The following SCN8A variants were observed in gnomAD, a reference collection of about 807,000 sequenced individuals.
SCN8A encodes sodium voltage-gated channel alpha subunit 8.
Under a neutral mutation model 184.1 loss-of-function variants are expected in SCN8A, and 30 were observed. The observed-to-expected ratio is 0.16, with a 90% CI of 0.12 to 0.22. SCN8A has a LOEUF of 0.22. Among genes scored for constraint, SCN8A ranks in the 10% least tolerant of loss-of-function variants. SCN8A has a pLI of 1.00. For missense variants in SCN8A, 1,057 were observed against 2,498.9 expected (o/e 0.42, Z 12.30); for synonymous variants, 852 against 907.0 (o/e 0.94, Z 1.09).
chr12:51,671,398 C>A (rs1161133752), intron 2 of SCN8A, among the ~76,000 whole-genome samples: 1 of 152,106 alleles, frequency 6.6e-6, no homozygotes, highest in Non-Finnish European at 1.5e-5. Flanking sequence ...TAGTTCTGAG[C>A]CACATAGGGT....
intron 12 of SCN8A, among the ~76,000 whole-genome samples, chr12:51,738,344 G>A (rs1942361600): frequency 1.3e-5 from 2 of 152,090 alleles, no homozygotes; most frequent in African/African-American, 4.8e-5. Flanking sequence ...CCCTCACAAT[G>A]CAAAATATAA....
chr12:51,804,007 C>G (rs886561779), intron 26 of SCN8A, among the ~76,000 whole-genome samples: 7 of 152,166 alleles, frequency 4.6e-5, no homozygotes, highest in African/African-American at 1.7e-4. Context: ...AAATTAAATC[C>G]CTCATGTCAG....
chr12:51,599,246 A>G (rs1044344225), intron 1 of SCN8A, among the ~76,000 whole-genome samples: 2 of 152,242 alleles, frequency 1.3e-5, no homozygotes, highest in Admixed American at 6.5e-5. Context: ...AGTCATAAAC[A>G]CAAAATGTTA....
chr12:51,774,838 G>A (rs945323927), intron 20 of SCN8A, among the ~76,000 whole-genome samples: 9 of 152,208 alleles, frequency 5.9e-5, no homozygotes, highest in South Asian at 2.1e-4. Flanking sequence ...TCTTGATACC[G>A]GACTCATCCA....
At chr12:51,685,537 C>T (rs1370955281) in intron 3 of SCN8A, among the ~76,000 whole-genome samples, 2 of 152,122 alleles carry the variant, frequency 1.3e-5, no homozygotes, top group African/African-American at 4.8e-5. Flanking sequence ...AATGAAATGG[C>T]AGTATGGTTT....
chr12:51,694,546 C>T (rs1408059900), intron 6 of SCN8A, among the ~76,000 whole-genome samples: 1 of 152,170 alleles, frequency 6.6e-6, no homozygotes, highest in African/African-American at 2.4e-5. Context: ...CGTACCAAAG[C>T]GAGCTAATGT....
intron 14 of SCN8A, among the ~76,000 whole-genome samples, chr12:51,762,299 TG>T (rs888828096): frequency 3.9e-5 from 6 of 152,298 alleles, no homozygotes; most frequent in African/African-American, 1.4e-4. Context: ...ACTTTGGGGC[TG>T]GGGACTTCAT....
intron 1 of SCN8A, among the ~76,000 whole-genome samples, chr12:51,632,050 T>C (rs1473440101): frequency 3.3e-5 from 5 of 152,170 alleles, no homozygotes; most frequent in Non-Finnish European, 5.9e-5. Context: ...TTTTTAAAAA[T>C]GCTTTTCCCA....
chr12:51,636,615 G>A (rs1453872921), intron 1 of SCN8A, among the ~76,000 whole-genome samples: 1 of 152,064 alleles, frequency 6.6e-6, no homozygotes, highest in Non-Finnish European at 1.5e-5. Flanking sequence ...AAAACCGCTG[G>A]GTCTGTTATT....
At chr12:51,785,236 AAG>A (rs1938052454) in intron 21 of SCN8A, among the ~76,000 whole-genome samples, 1 of 152,220 alleles carries the variant, frequency 6.6e-6, no homozygotes, top group Non-Finnish European at 1.5e-5. Context: ...TCTCCAAAAA[AAG>A]TGAAGATTTT....
chr12:51,740,704 G>A (rs551209291), intron 12 of SCN8A, among the ~76,000 whole-genome samples: 1 of 152,176 alleles, frequency 6.6e-6, no homozygotes, highest in African/African-American at 2.4e-5. Context: ...GTTAAGTCCA[G>A]TGTTTCTTTG....
rs1473360599 is a variant in SCN8A, at chr12:51,591,247, G to A, written c.-167G>A. 4 of 151,928 alleles carry A rather than the reference G, an allele frequency of 2.6e-5. No individual in the cohort carries two copies. Among genetic ancestry groups the A allele is most frequent in the Non-Finnish European group, 4.4e-5 (3 of 67,880 alleles). 9.4% of individuals were successfully genotyped at this position (151,928 alleles called of 1,614,324 possible). A position where few individuals can be genotyped will look rare whatever the true frequency, so the allele number is the denominator to read the frequency against. ...GGGGCGGGCGCGGGGAGCGCTCCAA[G>A]ATGGCGCCCACCGCAGTCCCGCCCG... On this transcript the variant is annotated 5_prime_UTR_variant, in exon 1 of 27. Coordinates refer to ENST00000627620, the MANE Select transcript of SCN8A (RefSeq NM_001330260.2).
At chr12:51,722,445 T>C in intron 12 of SCN8A, 1 of 156,254 alleles carries the variant, frequency 6.4e-6, no homozygotes, top group South Asian at 2.0e-4. Context: ...AGCTTGGAAT[T>C]TAGAGATCTT....
intron 19 of SCN8A, among the ~76,000 whole-genome samples, chr12:51,771,830 A>G (rs1942929753): frequency 6.6e-6 from 1 of 152,204 alleles, no homozygotes; most frequent in African/African-American, 2.4e-5. Context: ...AAAAGAGAGG[A>G]TCAGACTAAG....
At chr12:51,758,984 A>ATGTGTG (rs199584412) in intron 14 of SCN8A, among the ~76,000 whole-genome samples, 3,011 of 150,048 alleles carry the variant, frequency 0.02, 91 homozygotes, top group African/African-American at 0.067. Context: ...ATGTATGTAT[A>ATGTGTG]TGTGTGTGTG....
Position 51,794,591 on chromosome 12 carries a change from C to T in SCN8A, c.4745C>T (p.Thr1582Ile), listed in dbSNP as rs1393568107. ...KMFALRHYYFTIGWNIFDFVV... is the reference protein window; with the variant it reads ...KMFALRHYYFIIGWNIFDFVV... ...TTTGCGTTGAGGCACTACTACTTCA[C>T]CATTGGCTGGAACATCTTCGACTTC... Residue 1582 changes from threonine to isoleucine, a missense_variant, in exon 26 of 27, where the codon ACC (threonine) becomes ATC (isoleucine). By Grantham distance (89) the Thr-to-Ile change is moderately conservative. Transcript: ENST00000627620. 1 of 1,613,960 alleles carries T rather than the reference C, an allele frequency of 6.2e-7. No homozygotes were observed. Among genetic ancestry groups the T allele is most frequent in the Non-Finnish European group, 8.5e-7 (1 of 1,179,900 alleles).
intron 6 of SCN8A, among the ~76,000 whole-genome samples, chr12:51,692,540 C>G (rs923830145): frequency 2.6e-5 from 4 of 152,314 alleles, no homozygotes; most frequent in Non-Finnish European, 2.9e-5. Flanking sequence ...ACTTGGAGAA[C>G]AGTGTACACA....
rs183927835 is a variant in SCN8A, at chr12:51,702,824, T to C, written c.1044T>C (p.Tyr348=). Residue 348 remains tyrosine (Y), a synonymous_variant, in exon 9 of 27, where the codon TAT becomes TAC. Coordinates refer to ENST00000627620, the MANE Select transcript of SCN8A (RefSeq NM_001330260.2). ...QCMKAGRNPN[Y]GYTSFDTFSW... is the part of the protein sequence containing the mutation. Reference sequence around the variant, plus strand: ...TGAAAGCAGGAAGGAACCCCAACTATGGTTACACAAGTTTTGACACTTTTA... The same window carrying C: ...TGAAAGCAGGAAGGAACCCCAACTACGGTTACACAAGTTTTGACACTTTTA... The C allele has an allele frequency of 6.2e-7, 1 of 1,610,072 alleles. No individual in the cohort carries two copies. The highest frequency in any genetic ancestry group is 1.3e-5 in the African/African-American group (1 of 75,020).
intron 14 of SCN8A, among the ~76,000 whole-genome samples, chr12:51,754,052 G>A (rs1298348109): frequency 6.6e-6 from 1 of 152,116 alleles, no homozygotes; most frequent in East Asian, 1.9e-4. Context: ...GCAAATTGAA[G>A]ATCCCTGCCT....
Sources: allele counts gnomAD v4.1 joint callset (sites outside exome capture counted in the v4.1 genomes callset), GRCh38; gene constraint gnomAD v4.1.1; transcripts MANE v1.5; gene names NCBI Gene and HGNC (gene_info 2026-07-23, HGNC 2026-07-21).